The following AMBRA1 variants were observed in gnomAD, a reference collection of about 807,000 sequenced individuals.
AMBRA1 encodes autophagy and beclin 1 regulator 1.
In AMBRA1, 47 loss-of-function variants were observed where a neutral mutation model predicts 125.4. That is an observed-to-expected ratio of 0.37 (90% CI 0.30 to 0.48). The LOEUF is 0.48. Among genes scored for constraint, AMBRA1 ranks in the 20% least tolerant of loss-of-function variants. The probability of loss-of-function intolerance (pLI) is 0.99; values close to 1 mark genes in which losing one functional copy is unlikely to be tolerated. For synonymous variants in AMBRA1, 626 were observed against 655.5 expected (o/e 0.95, Z 0.69); for missense variants, 1,331 against 1,693.4 (o/e 0.79, Z 3.76).
intron 11 of AMBRA1, among the ~76,000 whole-genome samples, chr11:46,464,923 T>C (rs542314197): frequency 5.9e-5 from 9 of 152,248 alleles, no homozygotes; most frequent in Admixed American, 5.2e-4. Context: ...TGGGTGCCTG[T>C]AATCCCAGCT....
chr11:46,404,735 G>T (rs560644639), intron 17 of AMBRA1, among the ~76,000 whole-genome samples: 1 of 152,132 alleles, frequency 6.6e-6, no homozygotes, highest in South Asian at 2.1e-4. Context: ...AGGGGATAGT[G>T]GGGCGAGGAA....
chr11:46,494,233 G>A (rs1297456271), intron 9 of AMBRA1, 29 bp from the exon 10 acceptor site: 1 of 1,546,786 alleles, frequency 6.5e-7, no homozygotes, highest in African/African-American at 1.4e-5. Context: ...CTACACATAA[G>A]AGAGTCACTA....
chr11:46,575,017 T>C (rs1392772093), intron 1 of AMBRA1, among the ~76,000 whole-genome samples: 1 of 152,228 alleles, frequency 6.6e-6, no homozygotes, highest in South Asian at 2.1e-4. Flanking sequence ...TCAATAAATA[T>C]ATCTGAAGAT....
intron 14 of AMBRA1, among the ~76,000 whole-genome samples, chr11:46,428,008 CAAAAA>C (rs57618324): frequency 1.6e-5 from 1 of 63,382 alleles, no homozygotes. Context: ...GACTCCATGT[CAAAAA>C]AAAAAAAAAA....
chr11:46,575,628 T>C (rs2043935293), intron 1 of AMBRA1, among the ~76,000 whole-genome samples: 1 of 150,890 alleles, frequency 6.6e-6, no homozygotes, highest in Non-Finnish European at 1.5e-5. Flanking sequence ...GCAATTCTTC[T>C]GCCTCAGCCT....
chr11:46,480,286 C>T (rs950412245), intron 11 of AMBRA1, among the ~76,000 whole-genome samples: 1 of 152,132 alleles, frequency 6.6e-6, no homozygotes, highest in African/African-American at 2.4e-5. Context: ...ACCTCTTAGG[C>T]AGATCATTAT....
At chr11:46,506,003 C>T (rs80271229) in intron 9 of AMBRA1, among the ~76,000 whole-genome samples, 345 of 152,246 alleles carry the variant, frequency 2.3e-3, no homozygotes, top group African/African-American at 7.8e-3. Context: ...GAAAGTCACC[C>T]AGGCTTTTCA....
Position 46,542,535 on chromosome 11 carries a change from G to A in AMBRA1, c.1482C>T (p.Ser494=). 6.2e-7 allele frequency: 1 copy of A among 1,613,192 alleles called. No individual in the cohort carries two copies. Among genetic ancestry groups the A allele is most frequent in the Non-Finnish European group, 8.5e-7 (1 of 1,180,044 alleles). ...GNGSSQNNSG[S]IRHELQCDLR... ...GGTCACACTGAAGCTCATGGCGAAT[G>A]CTGCCCGAGTTGTTTTGGCTGGAGC... The change falls in exon 7 of 18, where the codon AGC becomes AGT. Residue 494 remains serine (S), a synonymous_variant. Coordinates refer to ENST00000683756, the MANE Select transcript of AMBRA1 (RefSeq NM_001387011.1). The surrounding 1 kb of genome is among the most constrained non-coding windows in gnomAD (Gnocchi z 5.9).
At chr11:46,416,752 A>C (rs913517161) in intron 15 of AMBRA1, among the ~76,000 whole-genome samples, 1 of 152,264 alleles carries the variant, frequency 6.6e-6, no homozygotes, top group Non-Finnish European at 1.5e-5. Context: ...GTGGAGGTCA[A>C]CATGAGGACA....
At chr11:46,429,275 TGTGGGGA>T (rs1825809500) in intron 14 of AMBRA1, 1 of 818,356 alleles carries the variant, frequency 1.2e-6, no homozygotes, top group Non-Finnish European at 2.0e-6. Context: ...GAAATCGGTG[TGTGGGGA>T]GTGGGAGAGA....
intron 15 of AMBRA1, among the ~76,000 whole-genome samples, chr11:46,413,645 C>A (rs1276997574): frequency 6.6e-6 from 1 of 152,172 alleles, no homozygotes; most frequent in African/African-American, 2.4e-5. Context: ...TGTGTGCCAC[C>A]ATGCCTGGCT....
intron 1 of AMBRA1, among the ~76,000 whole-genome samples, chr11:46,580,789 G>C (rs2044142059): frequency 6.6e-6 from 1 of 152,034 alleles, no homozygotes; most frequent in African/African-American, 2.4e-5. Context: ...ATGGGGTGTT[G>C]CTGTTGTTAT....
chr11:46,521,543 T>G (rs1951761945), intron 7 of AMBRA1, among the ~76,000 whole-genome samples: 1 of 152,288 alleles, frequency 6.6e-6, no homozygotes, highest in African/African-American at 2.4e-5. Flanking sequence ...ATGCCTGGGC[T>G]GGGAGATGAC....
chr11:46,500,021 G>A (rs1950775001), intron 9 of AMBRA1, among the ~76,000 whole-genome samples: 1 of 152,140 alleles, frequency 6.6e-6, no homozygotes, highest in South Asian at 2.1e-4. Context: ...ACAAGAATCT[G>A]AGGTTATCTA....
chr11:46,580,637 G>A (rs574387935), intron 1 of AMBRA1, among the ~76,000 whole-genome samples: 2 of 152,110 alleles, frequency 1.3e-5, no homozygotes, highest in Non-Finnish European at 2.9e-5. Context: ...AATATCTACT[G>A]AATCTTTCTA....
intron 14 of AMBRA1, among the ~76,000 whole-genome samples, chr11:46,422,460 T>C (rs1265872388): frequency 1.3e-5 from 2 of 152,132 alleles, no homozygotes; most frequent in Admixed American, 1.3e-4. Context: ...AGACAATCTC[T>C]TGTACCGCTT....
In AMBRA1 at chr11:46,550,879, G is replaced by C. The variant is rs1253968645; in HGVS notation, c.-120-2379C>G. Reference sequence around the variant, plus strand: ...AGACGGGCGGATCGCGAGGTCAGGAGATCGAGACCATCCTGGCTAACACAG... The same window carrying C: ...AGACGGGCGGATCGCGAGGTCAGGACATCGAGACCATCCTGGCTAACACAG... On this transcript the variant is annotated intron_variant, in intron 1 of 17. Transcript: ENST00000683756. 1.1e-4 allele frequency among the ~76,000 whole-genome samples: 16 copies of C among 148,136 alleles called. No homozygotes were observed. In the Admixed American group the frequency reaches 1.1e-3, roughly 10 times the overall value.
intron 9 of AMBRA1, among the ~76,000 whole-genome samples, chr11:46,501,709 T>C (rs1023771474): frequency 6.6e-6 from 1 of 152,336 alleles, no homozygotes; most frequent in Non-Finnish European, 1.5e-5. Flanking sequence ...AAAAATCAAA[T>C]AATTATATTT....
At chr11:46,455,005 A>C (rs1948790178) in intron 11 of AMBRA1, among the ~76,000 whole-genome samples, 1 of 150,738 alleles carries the variant, frequency 6.6e-6, no homozygotes, top group Admixed American at 6.6e-5. Context: ...TGAGCCTCCC[A>C]AGTAGCTGGG....
Sources: allele counts gnomAD v4.1 joint callset (sites outside exome capture counted in the v4.1 genomes callset), GRCh38; gene constraint gnomAD v4.1.1; non-coding constraint Gnocchi (gnomAD v3.1); transcripts MANE v1.5; gene names NCBI Gene and HGNC (gene_info 2026-07-23, HGNC 2026-07-21).